The following C8orf34 variants were observed in gnomAD, a reference collection of about 807,000 sequenced individuals.
The protein encoded by C8orf34 is uncharacterized protein C8orf34.
Under a neutral mutation model 68.3 loss-of-function variants are expected in C8orf34, and 65 were observed. The ratio of observed to expected loss-of-function variants is 0.95; its 90% CI spans 0.78 to 1.17. C8orf34 has a LOEUF of 1.17. Among genes scored for constraint, C8orf34 ranks in the 50% most tolerant of loss-of-function variants. C8orf34 has a pLI of 0.00. For missense variants in C8orf34, 664 were observed against 655.4 expected (o/e 1.01, Z -0.14); for synonymous variants, 244 against 241.2 (o/e 1.01, Z -0.11).
intron 6 of C8orf34, among the ~76,000 whole-genome samples, chr8:68,526,137 T>A (rs1264612248): frequency 6.6e-6 from 1 of 151,824 alleles, no homozygotes; most frequent in African/African-American, 2.4e-5. Context: ...TCTTTTAAAT[T>A]TTTTGTAGAG....
At chr8:68,787,688 C>A in intron 12 of C8orf34, 152 bp downstream of exon 12, 1 of 513,738 alleles carries the variant, frequency 1.9e-6, no homozygotes, top group Non-Finnish European at 3.5e-6. Context: ...AGCTATCCTT[C>A]AGGTCTATGT....
At chr8:68,688,382 A>G in intron 8 of C8orf34, among the ~76,000 whole-genome samples, 1 of 152,128 alleles carries the variant, frequency 6.6e-6, no homozygotes, top group East Asian at 1.9e-4. Flanking sequence ...GAATGGATAA[A>G]GAAAATGTGG....
In C8orf34 at chr8:68,640,359, T is replaced by G; in HGVS notation, c.1106-17T>G. ...TAGAGTTAATTTTTTTCTCTGTAAT[T>G]GTTTGTGTTGTTACAGAGGATCTTA... is the stretch of plus-strand genomic sequence containing the variant. On this transcript the variant is annotated splice_polypyrimidine_tract_variant and intron_variant, in intron 7 of 13. Coordinates refer to ENST00000518698, the MANE Select transcript of C8orf34 (RefSeq NM_052958.4). The G allele has an allele frequency of 6.2e-7, 1 of 1,608,022 alleles. No individual in the cohort carries two copies. The highest frequency in any genetic ancestry group is 2.2e-5 in the East Asian group (1 of 44,846).
At chr8:68,575,763 G>A (rs540257789) in intron 7 of C8orf34, among the ~76,000 whole-genome samples, 1 of 151,992 alleles carries the variant, frequency 6.6e-6, no homozygotes, top group African/African-American at 2.4e-5. Flanking sequence ...CTGCATTGAA[G>A]AGCTGTGGTT....
At chr8:68,461,053 G>A (rs1811795903) in intron 3 of C8orf34, among the ~76,000 whole-genome samples, 1 of 152,194 alleles carries the variant, frequency 6.6e-6, no homozygotes, top group Non-Finnish European at 1.5e-5. Context: ...AAAAAATTTA[G>A]ACGAATGTAT....
intron 12 of C8orf34, among the ~76,000 whole-genome samples, chr8:68,793,066 C>A (rs1397336044): frequency 6.6e-6 from 1 of 151,960 alleles, no homozygotes; most frequent in Non-Finnish European, 1.5e-5. Flanking sequence ...GTGAAAGATA[C>A]AGTGACTAAA....
intron 3 of C8orf34, among the ~76,000 whole-genome samples, chr8:68,453,983 G>A (rs1222552173): frequency 3.3e-5 from 5 of 151,940 alleles, no homozygotes; most frequent in African/African-American, 1.2e-4. Context: ...TTTTATGATG[G>A]AAGTGTGTCG....
intron 2 of C8orf34, among the ~76,000 whole-genome samples, chr8:68,444,191 T>A (rs1811029233): frequency 6.6e-6 from 1 of 152,190 alleles, no homozygotes; most frequent in Non-Finnish European, 1.5e-5. Flanking sequence ...GAATGCAAAT[T>A]TAAATATTGG....
At chr8:68,722,864 C>G (rs1821713471) in intron 10 of C8orf34, among the ~76,000 whole-genome samples, 1 of 151,892 alleles carries the variant, frequency 6.6e-6, no homozygotes, top group Non-Finnish European at 1.5e-5. Flanking sequence ...ATTATATTTT[C>G]CTTTACTGTA....
intron 12 of C8orf34, among the ~76,000 whole-genome samples, chr8:68,803,510 G>T (rs73283881): frequency 3.3e-5 from 5 of 151,746 alleles, no homozygotes; most frequent in Non-Finnish European, 5.9e-5. Flanking sequence ...AAAAAAAAGC[G>T]TATTTCCAAA....
chr8:68,331,000 G>A lies in C8orf34; in HGVS notation c.-13G>A, dbSNP rs750718191. ...GAGCGGCGAGGGTGGGCGCGAGGCGGAGAACGCGATGAATGAGTTCTCCCC... is the reference window on the plus strand; with the variant it reads ...GAGCGGCGAGGGTGGGCGCGAGGCGAAGAACGCGATGAATGAGTTCTCCCC... On this transcript the variant is annotated 5_prime_UTR_variant, in exon 1 of 14. Transcript: ENST00000518698. 1 of 1,395,658 alleles carries A rather than the reference G, an allele frequency of 7.2e-7. No individual in the cohort carries two copies. The highest frequency in any genetic ancestry group is 1.6e-5 in the South Asian group (1 of 62,900). The allele number at this position is 1,395,658 out of a possible 1,614,324, so 86.5% of individuals were successfully genotyped here. A position where few individuals can be genotyped will look rare whatever the true frequency, so the allele number is the denominator to read the frequency against.
At chr8:68,480,314 T>C (rs1812805071) in intron 4 of C8orf34, among the ~76,000 whole-genome samples, 1 of 152,214 alleles carries the variant, frequency 6.6e-6, no homozygotes, top group Non-Finnish European at 1.5e-5. Context: ...TTTCACCTCC[T>C]GCCATGGTTC....
At chr8:68,401,337 T>C (rs1445943223) in intron 1 of C8orf34, among the ~76,000 whole-genome samples, 2 of 152,186 alleles carry the variant, frequency 1.3e-5, no homozygotes, top group African/African-American at 2.4e-5. Flanking sequence ...ATAATTTGAC[T>C]TCCTCATTTC....
At chr8:68,729,541 C>T (rs372829170) in intron 10 of C8orf34, among the ~76,000 whole-genome samples, 18 of 152,178 alleles carry the variant, frequency 1.2e-4, no homozygotes, top group African/African-American at 4.3e-4. Context: ...TTCTTCTTTC[C>T]CAGATCTTTA....
intron 1 of C8orf34, among the ~76,000 whole-genome samples, chr8:68,422,989 A>C (rs1810046400): frequency 6.6e-6 from 1 of 152,198 alleles, no homozygotes; most frequent in South Asian, 2.1e-4. Context: ...TCAGGGCACC[A>C]TGTCCTGAGG....
intron 9 of C8orf34, among the ~76,000 whole-genome samples, chr8:68,713,666 A>G (rs1289421286): frequency 5.9e-5 from 9 of 152,168 alleles, no homozygotes. Context: ...GTAATAAAAA[A>G]AATTGCCAAT....
intron 7 of C8orf34, among the ~76,000 whole-genome samples, chr8:68,636,929 CTT>C (rs2130721022): frequency 6.6e-6 from 1 of 152,262 alleles, no homozygotes; most frequent in Admixed American, 6.5e-5. Context: ...GCGTGACTGA[CTT>C]TGTTCTTCAG....
chr8:68,371,861 G>T (rs1807579568), intron 1 of C8orf34, among the ~76,000 whole-genome samples: 1 of 152,070 alleles, frequency 6.6e-6, no homozygotes, highest in African/African-American at 2.4e-5. Flanking sequence ...GCCTCCCAAA[G>T]TGCTGGGATT....
chr8:68,754,129 G>T (rs543710652), intron 10 of C8orf34, among the ~76,000 whole-genome samples: 1 of 152,128 alleles, frequency 6.6e-6, no homozygotes, highest in East Asian at 1.9e-4. Context: ...AAAAAGGGCC[G>T]GGAGCAATTT....
Sources: allele counts gnomAD v4.1 joint callset (sites outside exome capture counted in the v4.1 genomes callset), GRCh38; gene constraint gnomAD v4.1.1; transcripts MANE v1.5; gene names NCBI Gene and HGNC (gene_info 2026-07-23, HGNC 2026-07-21).